C8orf34: variants seen among roughly 807,000 people sequenced by gnomAD.
The protein encoded by C8orf34 is chromosome 8 open reading frame 34, also known as uncharacterized protein C8orf34.
C8orf34 carries 65 observed loss-of-function variants against 68.3 expected under a neutral mutation model. That is an observed-to-expected ratio of 0.95 (90% CI 0.78 to 1.17). The LOEUF (loss-of-function observed/expected upper bound fraction) is 1.17. Ranked by LOEUF, C8orf34 falls within the 50% of genes most tolerant of loss-of-function variation. The pLI, the probability that C8orf34 is intolerant of heterozygous loss-of-function variation, is 0.00. For missense variants in C8orf34, 664 were observed against 655.4 expected, an observed-to-expected ratio of 1.01 and a Z score of -0.14; for synonymous variants, 244 against 241.2, an observed-to-expected ratio of 1.01 and a Z score of -0.11.
At chr8:68,678,781 T>C (rs1820271459) in intron 8 of C8orf34, among the ~76,000 whole-genome samples, 1 of 151,162 alleles carries the variant, frequency 6.6e-6, no homozygotes, top group African/African-American at 2.4e-5. Context: ...GGAATCTGAA[T>C]TGGAAAGGAA....
intron 8 of C8orf34, 150 bp downstream of exon 8, chr8:68,640,661 G>A (rs1585657849): frequency 2.6e-6 from 2 of 768,612 alleles, no homozygotes; most frequent in Non-Finnish European, 4.0e-6. Context: ...AGTTAGTTAT[G>A]CAGTTTATCC....
chr8:68,340,846 A>G (rs189719517), intron 1 of C8orf34, among the ~76,000 whole-genome samples: 1 of 152,338 alleles, frequency 6.6e-6, no homozygotes, highest in African/African-American at 2.4e-5. Flanking sequence ...CTGTACAAAA[A>G]AGGAAAACTA....
intron 9 of C8orf34, among the ~76,000 whole-genome samples, chr8:68,714,092 C>A (rs993329024): frequency 6.6e-6 from 1 of 152,026 alleles, no homozygotes; most frequent in Non-Finnish European, 1.5e-5. Flanking sequence ...ATCCAGCATC[C>A]CTTTAACATT....
At chr8:68,385,994 G>A (rs1320637180) in intron 1 of C8orf34, among the ~76,000 whole-genome samples, 2 of 152,036 alleles carry the variant, frequency 1.3e-5, no homozygotes, top group African/African-American at 4.8e-5. Context: ...CAACCTCCTG[G>A]GCTCAAGTGA....
At chr8:68,445,374 G>T (rs1322817385) in intron 2 of C8orf34, among the ~76,000 whole-genome samples, 1 of 152,146 alleles carries the variant, frequency 6.6e-6, no homozygotes, top group Admixed American at 6.5e-5. Flanking sequence ...ATAGATTAGA[G>T]GAATGGAAGA....
chr8:68,623,838 C>A (rs1231648265), intron 7 of C8orf34, among the ~76,000 whole-genome samples: 2 of 152,062 alleles, frequency 1.3e-5, no homozygotes, highest in African/African-American at 4.8e-5. Flanking sequence ...CCAAAGGGCC[C>A]ACCTCCTAAT....
chr8:68,359,435 T>G (rs145240790), intron 1 of C8orf34, among the ~76,000 whole-genome samples: 137 of 152,282 alleles, frequency 9.0e-4, no homozygotes, highest in African/African-American at 3.1e-3. Context: ...ATACTGAATC[T>G]CTTGTCAATT....
At chr8:68,811,973 G>A (rs1824664965) in intron 12 of C8orf34, among the ~76,000 whole-genome samples, 1 of 152,156 alleles carries the variant, frequency 6.6e-6, no homozygotes, top group Non-Finnish European at 1.5e-5. Flanking sequence ...CTTTCAGGGT[G>A]GGAGGGATGT....
At chr8:68,470,735 C>T (rs1812345757) in intron 4 of C8orf34, among the ~76,000 whole-genome samples, 1 of 152,014 alleles carries the variant, frequency 6.6e-6, no homozygotes, top group Non-Finnish European at 1.5e-5. Flanking sequence ...ATTGTATATC[C>T]TAGCTGTGTC....
intron 1 of C8orf34, among the ~76,000 whole-genome samples, chr8:68,348,175 T>C (rs1806360683): frequency 6.6e-6 from 1 of 151,896 alleles, no homozygotes; most frequent in Non-Finnish European, 1.5e-5. Context: ...CAATCATCTG[T>C]ATAGGGCTAG....
At chr8:68,493,422 C>T (rs1347466301) in intron 5 of C8orf34, among the ~76,000 whole-genome samples, 1 of 152,104 alleles carries the variant, frequency 6.6e-6, no homozygotes, top group Non-Finnish European at 1.5e-5. Flanking sequence ...CGATGAGATA[C>T]CCTCTGAGAC....
At chr8:68,367,907 G>GAAAAAAAAAAAAAAAAAA (rs1807360133) in intron 1 of C8orf34, among the ~76,000 whole-genome samples, 1 of 15,034 alleles carries the variant, frequency 6.7e-5, no homozygotes, top group Non-Finnish European at 1.3e-4. Context: ...AATAAAAAAA[G>GAAAAAAAAAAAAAAAAAA]AAAAGAAAAA....
chr8:68,678,490 G>A lies in C8orf34; in HGVS notation c.1242-30504G>A, dbSNP rs186968960. ...AGATAATGAAAGTCAGAAACCATAC[G>A]ATCATTTCAATTGATGATAAAGAAA... On this transcript the variant is annotated intron_variant, in intron 8 of 13. Transcript: ENST00000518698. Among the ~76,000 whole-genome samples the A allele has an allele frequency of 4.9e-4, 74 of 152,172 alleles. 1 individual carries two copies. In the South Asian group the frequency reaches 0.014, roughly 29 times the overall value.
In C8orf34 at chr8:68,439,390, A is replaced by G. The variant is rs573374937; in HGVS notation, c.328-109A>G. 8.5e-6 allele frequency: 8 copies of G among 942,318 alleles called. No homozygotes were observed. The Admixed American group carries it at 2.0e-4, about 24-fold the overall frequency. 58.4% of individuals were successfully genotyped at this position (942,318 alleles called of 1,614,324 possible). ...TTATAAGCATGGAGTTAGTTGCTGT[A>G]TATAAAGCAGTTAGACCAGTACCTG... On this transcript the variant is annotated intron_variant, in intron 1 of 13. Coordinates refer to ENST00000518698, the MANE Select transcript of C8orf34 (RefSeq NM_052958.4).
At chr8:68,468,010 C>G (rs536481139) in intron 3 of C8orf34, among the ~76,000 whole-genome samples, 1 of 152,046 alleles carries the variant, frequency 6.6e-6, no homozygotes, top group South Asian at 2.1e-4. Context: ...ATTATTATTA[C>G]TTTGACATTG....
chr8:68,613,221 T>G (rs1246193491), intron 7 of C8orf34, among the ~76,000 whole-genome samples: 2 of 152,170 alleles, frequency 1.3e-5, no homozygotes, highest in African/African-American at 2.4e-5. Flanking sequence ...TAATGGGAAT[T>G]CTTGCCCTGT....
intron 8 of C8orf34, among the ~76,000 whole-genome samples, chr8:68,696,551 C>T (rs896525672): frequency 2.0e-5 from 3 of 151,590 alleles, no homozygotes; most frequent in African/African-American, 7.3e-5. Context: ...AGAAGAGATA[C>T]AAAATCTAAT....
At chr8:68,499,087 C>G (rs886204985) in intron 5 of C8orf34, among the ~76,000 whole-genome samples, 23 of 152,156 alleles carry the variant, frequency 1.5e-4, no homozygotes, top group Admixed American at 1.5e-3. Context: ...TTTCTCTCCC[C>G]ACTCTAATAG....
At chr8:68,612,696 T>G (rs1047218147) in intron 7 of C8orf34, among the ~76,000 whole-genome samples, 74 of 152,274 alleles carry the variant, frequency 4.9e-4, no homozygotes, top group Middle Eastern at 6.8e-3. Flanking sequence ...GTTACTGATT[T>G]TTAGAAAATA....
Sources: allele counts gnomAD v4.1 joint callset (sites outside exome capture counted in the v4.1 genomes callset), GRCh38; gene constraint gnomAD v4.1.1; transcripts MANE v1.5; gene names NCBI Gene and HGNC (gene_info 2026-07-23, HGNC 2026-07-21).